The following TRIM51G variants were observed in gnomAD, a reference collection of about 807,000 sequenced individuals.
TRIM51G encodes the protein tripartite motif-containing 51G.
the TRIM51G span, among the ~76,000 whole-genome samples, chr11:48,977,429 A>G: frequency 9.9e-5 from 15 of 152,194 alleles, no homozygotes; most frequent in African/African-American, 3.4e-4. Flanking sequence ...AGTAAGGATC[A>G]TTAGTCTTAA....
the TRIM51G span, among the ~76,000 whole-genome samples, chr11:48,976,535 A>G: frequency 4.6e-5 from 7 of 152,126 alleles, no homozygotes; most frequent in Admixed American, 4.6e-4. Context: ...CTGAACTTTA[A>G]ATTTTACACG....
chr11:48,978,982 G>A, the TRIM51G span: 3 of 1,516,256 alleles, frequency 2.0e-6, no homozygotes, highest in South Asian at 1.1e-5. Context: ...TTGAGTTGCT[G>A]AAAAATGTCC....
chr11:48,981,499 G>A, the TRIM51G span: 2 of 1,606,208 alleles, frequency 1.2e-6, no homozygotes, highest in South Asian at 1.1e-5. Flanking sequence ...ACAAATGTTA[G>A]TTTTGAGGTT....
At chr11:48,979,699 C>T in the TRIM51G span, among the ~76,000 whole-genome samples, 27 of 151,538 alleles carry the variant, frequency 1.8e-4, no homozygotes, top group African/African-American at 6.5e-4. Flanking sequence ...ATACATATTT[C>T]TCATATATGT....
At chr11:48,980,021 C>T in the TRIM51G span, among the ~76,000 whole-genome samples, 1 of 151,858 alleles carries the variant, frequency 6.6e-6, no homozygotes, top group African/African-American at 2.4e-5. Context: ...TTCTAACTTC[C>T]TGCTTGATTA....
At chr11:48,979,454 C>A in the TRIM51G span, among the ~76,000 whole-genome samples, 28,708 of 151,994 alleles carry the variant, frequency 0.19, 3,023 homozygotes, top group South Asian at 0.42. Flanking sequence ...AGAATTGGGG[C>A]AAGTTATGTA....
the TRIM51G span, chr11:48,981,295 T>C: frequency 6.2e-7 from 1 of 1,605,740 alleles, no homozygotes; most frequent in Non-Finnish European, 8.5e-7. Context: ...CCGGCGTTCC[T>C]CAGCAGCCCA....
the TRIM51G span, among the ~76,000 whole-genome samples, chr11:48,980,735 C>T: frequency 6.6e-6 from 1 of 152,096 alleles, no homozygotes; most frequent in Non-Finnish European, 1.5e-5. Flanking sequence ...GAAATCCTAC[C>T]AAAGAGTCAC....
At chr11:48,981,867 A>T in the TRIM51G span, among the ~76,000 whole-genome samples, 1 of 152,180 alleles carries the variant, frequency 6.6e-6, no homozygotes, top group Non-Finnish European at 1.5e-5. Flanking sequence ...AGAGAGTCTT[A>T]AGGCTTTATA....
At chr11:48,979,801 C>A in the TRIM51G span, among the ~76,000 whole-genome samples, 1 of 10,968 alleles carries the variant, frequency 9.1e-5, no homozygotes, top group Non-Finnish European at 3.1e-4. Flanking sequence ...TCATATATAT[C>A]CATATATATA....
At chr11:48,979,451 G>A in the TRIM51G span, among the ~76,000 whole-genome samples, 1 of 151,982 alleles carries the variant, frequency 6.6e-6, no homozygotes. Flanking sequence ...TGGAGAATTG[G>A]GGCAAGTTAT....
chr11:48,983,378 G>C, the TRIM51G span, among the ~76,000 whole-genome samples: 3 of 151,398 alleles, frequency 2.0e-5, no homozygotes, highest in African/African-American at 7.3e-5. Flanking sequence ...ATGTCTAAAA[G>C]CTTAATGTTA....
At chr11:48,978,181 C>CT in the TRIM51G span, 3 of 532,208 alleles carry the variant, frequency 5.6e-6, no homozygotes, top group East Asian at 1.6e-4. Flanking sequence ...AATAGAAAGG[C>CT]TTAGTGCTTT....
At chr11:48,980,977 A>G in the TRIM51G span, 1 of 536,520 alleles carries the variant, frequency 1.9e-6, no homozygotes, top group East Asian at 5.3e-5. Flanking sequence ...CTCCATAAAG[A>G]CTGCATTTTT....
the TRIM51G span, among the ~76,000 whole-genome samples, chr11:48,977,686 T>G: frequency 6.6e-6 from 1 of 152,140 alleles, no homozygotes; most frequent in Admixed American, 6.6e-5. Flanking sequence ...ATTATATATT[T>G]AAATATAAAC....
At chr11:48,976,890 T>A in the TRIM51G span, among the ~76,000 whole-genome samples, 1 of 151,764 alleles carries the variant, frequency 6.6e-6, no homozygotes, top group Non-Finnish European at 1.5e-5. Context: ...AATATATTTG[T>A]TTTTCACTAT....
chr11:48,979,060 G>A, the TRIM51G span: 2 of 862,494 alleles, frequency 2.3e-6, no homozygotes, highest in Non-Finnish European at 4.0e-6. Flanking sequence ...ACCATCTTAT[G>A]ATATTCAGCT....
chr11:48,978,543 C>T, the TRIM51G span, among the ~76,000 whole-genome samples: 12 of 152,270 alleles, frequency 7.9e-5, no homozygotes, highest in Admixed American at 3.9e-4. Context: ...TCCAAATTAG[C>T]CTAAATGCCA....
chr11:48,976,999 G>C, the TRIM51G span: 1 of 626,948 alleles, frequency 1.6e-6, no homozygotes. Context: ...ATGAAATAAA[G>C]ATTTGACGAA....
Sources: gnomAD v4.1 joint callset for allele counts (sites outside exome capture counted in the v4.1 genomes callset) on GRCh38, gnomAD v4.1.1 for gene constraint, MANE v1.5 for transcripts, NCBI Gene and HGNC (gene_info 2026-07-23, HGNC 2026-07-21) for gene names.